The following HECW1 variants were observed in gnomAD, a reference collection of about 807,000 sequenced individuals.
The protein encoded by HECW1 is E3 ubiquitin-protein ligase HECW1.
HECW1 carries 61 observed loss-of-function variants against 182.3 expected under a neutral mutation model. That is an observed-to-expected ratio of 0.33 (90% CI 0.27 to 0.41). HECW1 has a LOEUF of 0.41. HECW1 is among the 10% of genes least tolerant of loss of function. The pLI is 1.00. For synonymous variants in HECW1, 859 were observed against 832.6 expected, an observed-to-expected ratio of 1.03 and a Z score of -0.55; for missense variants, 1,739 against 2,108.9, an observed-to-expected ratio of 0.82 and a Z score of 3.44.
In HECW1 at chr7:43,445,461, G is replaced by A. The variant is rs2077023050; in HGVS notation, c.2289G>A (p.Thr763=). The change falls in exon 11 of 30, where the codon ACG becomes ACA. Residue 763 remains threonine (T), a synonymous_variant. Coordinates refer to ENST00000395891, the MANE Select transcript of HECW1 (RefSeq NM_015052.5). ...MQSPELDPES[T]NGAGPWQDEL... ...GCCCTGAGCTGGACCCGGAGTCCAC[G>A]AACGGCGCTGGGCCGTGGCAAGACG... 1.9e-6 allele frequency: 3 copies of A among 1,612,968 alleles called. No individual in the cohort carries two copies. The highest frequency in any genetic ancestry group is 2.5e-6 in the Non-Finnish European group (3 of 1,179,846).
intron 3 of HECW1, among the ~76,000 whole-genome samples, chr7:43,280,188 C>A (rs1405001947): frequency 1.3e-5 from 2 of 152,162 alleles, no homozygotes; most frequent in African/African-American, 4.8e-5. Flanking sequence ...GAGAGTGCCT[C>A]CTCTAGGTAA....
At chr7:43,555,826 G>A (rs558523484) in intron 29 of HECW1, among the ~76,000 whole-genome samples, 1 of 152,330 alleles carries the variant, frequency 6.6e-6, no homozygotes, top group South Asian at 2.1e-4. Context: ...TTGTTTGCAT[G>A]GCTCTACCAA....
At chr7:43,166,688 G>C (rs1171024144) in intron 2 of HECW1, among the ~76,000 whole-genome samples, 1 of 152,232 alleles carries the variant, frequency 6.6e-6, no homozygotes, top group African/African-American at 2.4e-5. Flanking sequence ...AACTTGAGAG[G>C]AAGTATAATA....
At chr7:43,145,015 A>C (rs986812041) in intron 2 of HECW1, among the ~76,000 whole-genome samples, 1 of 151,932 alleles carries the variant, frequency 6.6e-6, no homozygotes, top group East Asian at 1.9e-4. Flanking sequence ...ATGTCCTTTC[A>C]TTTTTTTTAA....
At chr7:43,181,184 C>CT (rs1440759233) in intron 2 of HECW1, among the ~76,000 whole-genome samples, 1 of 150,890 alleles carries the variant, frequency 6.6e-6, no homozygotes, top group Non-Finnish European at 1.5e-5. Context: ...CCATTTCATT[C>CT]TTTTTTATGG....
intron 9 of HECW1, chr7:43,438,470 A>G (rs1444186308): frequency 5.7e-6 from 1 of 176,332 alleles, no homozygotes; most frequent in Admixed American, 6.2e-5. Flanking sequence ...TTGTTTTACT[A>G]TGAAGAATAT....
At chr7:43,507,616 C>T (rs2079640450) in intron 22 of HECW1, among the ~76,000 whole-genome samples, 1 of 152,148 alleles carries the variant, frequency 6.6e-6, no homozygotes, top group Non-Finnish European at 1.5e-5. Context: ...AAATTTAACT[C>T]ATTGGTCAAA....
intron 22 of HECW1, among the ~76,000 whole-genome samples, chr7:43,507,647 G>A (rs1400114458): frequency 6.6e-6 from 1 of 152,114 alleles, no homozygotes; most frequent in African/African-American, 2.4e-5. Context: ...TGGTAACTTT[G>A]TAATTGAAGT....
At chr7:43,541,021 G>C in intron 24 of HECW1, 142 bp from the exon 25 acceptor site, 1 of 680,362 alleles carries the variant, frequency 1.5e-6, no homozygotes, top group Non-Finnish European at 2.7e-6. Context: ...ACAAGAACAG[G>C]TGCCTCCCTT....
intron 3 of HECW1, among the ~76,000 whole-genome samples, chr7:43,307,837 A>G (rs1215185655): frequency 1.4e-5 from 2 of 146,194 alleles, no homozygotes; most frequent in East Asian, 3.9e-4. Flanking sequence ...TAGGTGAGGG[A>G]TGGATGTGCT....
At chr7:43,113,900 A>AC in intron 1 of HECW1, 1 of 266,694 alleles carries the variant, frequency 3.7e-6, no homozygotes, top group East Asian at 5.7e-5. Context: ...GAGGCTGGGC[A>AC]CCATAACTTC....
chr7:43,194,321 A>T (rs1480474151), intron 2 of HECW1: 3 of 152,170 alleles, frequency 2.0e-5, no homozygotes, highest in East Asian at 1.9e-4. Flanking sequence ...GACATTTTTT[A>T]AAATGCTGAA....
chr7:43,480,833 C>T (rs916926808), intron 17 of HECW1, among the ~76,000 whole-genome samples: 8 of 152,184 alleles, frequency 5.3e-5, no homozygotes, highest in Middle Eastern at 3.4e-3. Flanking sequence ...CCTGCAGCCA[C>T]CTCCTCCAGA....
At chr7:43,120,111 T>C (rs1785436145) in intron 2 of HECW1, among the ~76,000 whole-genome samples, 1 of 152,208 alleles carries the variant, frequency 6.6e-6, no homozygotes, top group Non-Finnish European at 1.5e-5. Context: ...GACATTGTGT[T>C]ACTTCTTTGA....
intron 24 of HECW1, among the ~76,000 whole-genome samples, chr7:43,531,689 G>A (rs1465642360): frequency 6.6e-6 from 1 of 152,070 alleles, no homozygotes; most frequent in Non-Finnish European, 1.5e-5. Context: ...AAACCATCTG[G>A]TGACCTCTCA....
In HECW1 at chr7:43,243,890, C is replaced by A. The variant is rs1238128630; in HGVS notation, c.-16C>A. On this transcript the variant is annotated 5_prime_UTR_variant, in exon 3 of 30. Transcript: ENST00000395891. The surrounding 1 kb of genome is among the most constrained non-coding windows in gnomAD (Gnocchi z 4.0). Reference sequence around the variant, plus strand: ...TTTTCCCCAGGAATTGATGCGCGTACACGTGGTGGGTCATTATGCTGCTGC... The same window carrying A: ...TTTTCCCCAGGAATTGATGCGCGTAAACGTGGTGGGTCATTATGCTGCTGC... The A allele has an allele frequency of 6.2e-7, 1 of 1,613,398 alleles. No individual in the cohort carries two copies. Among genetic ancestry groups the A allele is most frequent in the Admixed American group, 1.7e-5 (1 of 60,010 alleles).
intron 26 of HECW1, among the ~76,000 whole-genome samples, chr7:43,545,396 G>A (rs770692978): frequency 6.6e-6 from 1 of 152,126 alleles, no homozygotes; most frequent in East Asian, 1.9e-4. Flanking sequence ...GTAGGAATTC[G>A]ACAACTTAGA....
At chr7:43,304,757 G>C (rs972454942) in intron 3 of HECW1, among the ~76,000 whole-genome samples, 32 of 152,202 alleles carry the variant, frequency 2.1e-4, no homozygotes, top group Admixed American at 1.8e-3. Context: ...GCCTCCCAAA[G>C]TGTTGGGATT....
intron 26 of HECW1, among the ~76,000 whole-genome samples, chr7:43,549,317 T>G (rs755495959): frequency 2.0e-5 from 3 of 152,278 alleles, no homozygotes; most frequent in Non-Finnish European, 1.5e-5. Flanking sequence ...ATTTTATAAT[T>G]GGCACTAATC....
Sources: gnomAD v4.1 joint callset for allele counts (sites outside exome capture counted in the v4.1 genomes callset) on GRCh38, gnomAD v4.1.1 for gene constraint, Gnocchi (gnomAD v3.1) non-coding constraint, MANE v1.5 for transcripts, NCBI Gene and HGNC (gene_info 2026-07-23, HGNC 2026-07-21) for gene names.